SLC17A8: variants seen among roughly 807,000 people sequenced by gnomAD.
SLC17A8 encodes solute carrier family 17 member 8.
Under a neutral mutation model 58.0 loss-of-function variants are expected in SLC17A8, and 31 were observed. That is an observed-to-expected ratio of 0.53 (90% CI 0.40 to 0.72). The LOEUF is 0.72. Among genes scored for constraint, SLC17A8 ranks in the 30% least tolerant of loss-of-function variants. The pLI, the probability that SLC17A8 is intolerant of heterozygous loss-of-function variation, is 0.00. For missense variants in SLC17A8, 655 were observed against 727.8 expected (o/e 0.90, Z 1.15); for synonymous variants, 228 against 249.0 (o/e 0.92, Z 0.79).
chr12:100,361,694 G>A (rs945563236), intron 1 of SLC17A8, among the ~76,000 whole-genome samples: 11 of 152,198 alleles, frequency 7.2e-5, no homozygotes, highest in African/African-American at 2.4e-4. Flanking sequence ...GGGTGTGGTG[G>A]CTCATGCCTA....
chr12:100,382,626 G>A (rs1469740132), intron 2 of SLC17A8, among the ~76,000 whole-genome samples: 3 of 152,146 alleles, frequency 2.0e-5, no homozygotes, highest in Non-Finnish European at 4.4e-5. Context: ...CTAGTGTCTG[G>A]GAAATCACTG....
At chr12:100,370,045 A>G (rs1952548649) in intron 1 of SLC17A8, among the ~76,000 whole-genome samples, 1 of 152,210 alleles carries the variant, frequency 6.6e-6, no homozygotes, top group African/African-American at 2.4e-5. Flanking sequence ...CAAGAAATCC[A>G]AAGTTTTATA....
Position 100,401,882 on chromosome 12 carries a change from C to T in SLC17A8, c.763+19C>T. On this transcript the variant is annotated intron_variant, in intron 6 of 11. Coordinates refer to ENST00000323346, the MANE Select transcript of SLC17A8 (RefSeq NM_139319.3). ...ATTTATGGTGAGTGATTTGACTTCA[C>T]AAGTTCACATGTGACTCATAGAGAT... The T allele has an allele frequency of 1.3e-6, 2 of 1,593,634 alleles. No individual in the cohort carries two copies. The highest frequency in any genetic ancestry group is 1.7e-6 in the Non-Finnish European group (2 of 1,161,504).
intron 2 of SLC17A8, among the ~76,000 whole-genome samples, chr12:100,388,096 C>T (rs1952688964): frequency 6.6e-6 from 1 of 152,156 alleles, no homozygotes; most frequent in African/African-American, 2.4e-5. Context: ...AAGACACAAC[C>T]CTACCTTGGG....
chr12:100,388,964 C>A (rs1952694987), intron 2 of SLC17A8, among the ~76,000 whole-genome samples: 1 of 152,122 alleles, frequency 6.6e-6, no homozygotes, highest in South Asian at 2.1e-4. Context: ...ATGTGGATGT[C>A]CATTCACTGA....
chr12:100,379,321 G>A (rs1952616377), intron 1 of SLC17A8, among the ~76,000 whole-genome samples: 1 of 151,446 alleles, frequency 6.6e-6, no homozygotes, highest in South Asian at 2.1e-4. Context: ...TGTAATCCCA[G>A]CTACTCAGGA....
intron 1 of SLC17A8, among the ~76,000 whole-genome samples, chr12:100,362,038 G>T (rs1952488393): frequency 6.6e-6 from 1 of 152,116 alleles, no homozygotes. Flanking sequence ...CCAGTGGCCA[G>T]ATCCAAAGGG....
intron 5 of SLC17A8, among the ~76,000 whole-genome samples, chr12:100,400,871 A>G (rs1215750099): frequency 6.6e-6 from 1 of 152,062 alleles, no homozygotes; most frequent in Non-Finnish European, 1.5e-5. Context: ...AAACATTCAC[A>G]CACAGGTAAG....
chr12:100,393,069 G>A lies in SLC17A8; in HGVS notation c.474-300G>A, dbSNP rs1969927. On this transcript the variant is annotated intron_variant, in intron 3 of 11. Transcript: ENST00000323346. ...GAAGCCCAAGAGTCTAGCTTGGGGT[G>A]CACTAGACCCTAACACATCTATTTC... Among the ~76,000 whole-genome samples, 86,082 of 151,922 alleles carry A rather than the reference G, an allele frequency of 0.57. 24,770 individuals carry two copies. Among genetic ancestry groups the A allele is most frequent in the East Asian group, 0.7 (3,627 of 5,152 alleles).
chr12:100,367,750 G>A (rs923065069), intron 1 of SLC17A8, among the ~76,000 whole-genome samples: 14 of 151,960 alleles, frequency 9.2e-5, no homozygotes, highest in Non-Finnish European at 7.4e-5. Flanking sequence ...CGAAGGTCTC[G>A]CTATGTTGCC....
chr12:100,389,290 G>GT (rs1952696951), intron 2 of SLC17A8, among the ~76,000 whole-genome samples: 1 of 152,088 alleles, frequency 6.6e-6, no homozygotes, highest in African/African-American at 2.4e-5. Flanking sequence ...ATCCTAATCT[G>GT]TTACATGCAA....
intron 5 of SLC17A8, among the ~76,000 whole-genome samples, chr12:100,398,416 T>C (rs929922622): frequency 1.3e-5 from 2 of 152,234 alleles, no homozygotes; most frequent in Admixed American, 6.5e-5. Context: ...GGTTTATTTG[T>C]AAGACCTTTC....
chr12:100,364,766 A>G (rs1952508384), intron 1 of SLC17A8, among the ~76,000 whole-genome samples: 1 of 152,160 alleles, frequency 6.6e-6, no homozygotes, highest in South Asian at 2.1e-4. Context: ...ACCACTGCCT[A>G]TGAGTCCATG....
At chr12:100,362,359 G>A (rs1486622631) in intron 1 of SLC17A8, among the ~76,000 whole-genome samples, 1 of 152,122 alleles carries the variant, frequency 6.6e-6, no homozygotes, top group South Asian at 2.1e-4. Flanking sequence ...GACATCTCCT[G>A]ATACTGCCTG....
chr12:100,374,198 T>C (rs567739512), intron 1 of SLC17A8, among the ~76,000 whole-genome samples: 1 of 152,292 alleles, frequency 6.6e-6, no homozygotes, highest in East Asian at 1.9e-4. Flanking sequence ...GGAAATCAAA[T>C]CCAGGTTATC....
chr12:100,412,749 C>A, intron 9 of SLC17A8, 21 bp from the exon 10 acceptor site: 1 of 1,547,202 alleles, frequency 6.5e-7, no homozygotes, highest in Non-Finnish European at 8.9e-7. Context: ...CATTTTTTTC[C>A]CTTGCTGTTT....
At position 100,417,962 on chromosome 12, in the gene SLC17A8, G is replaced by T. The variant is rs894980882; in HGVS notation, c.1298-67G>T. On this transcript the variant is annotated intron_variant, in intron 10 of 11. Coordinates refer to ENST00000323346, the MANE Select transcript of SLC17A8 (RefSeq NM_139319.3). ...GATTGGTAAAGGCTGGGGCAACTGA[G>T]TATTTTCCAAAGCATATTTGAAATT... The T allele has an allele frequency of 2.9e-5, 46 of 1,605,548 alleles. No individual in the cohort carries two copies. The African/African-American group carries it at 5.2e-4, about 18-fold the overall frequency.
rs901671888 is a variant in SLC17A8, at chr12:100,409,451, G to A, written c.1187-3319G>A. On this transcript the variant is annotated intron_variant, in intron 9 of 11. Coordinates refer to ENST00000323346, the MANE Select transcript of SLC17A8 (RefSeq NM_139319.3). ...TCCGCCTGCCTCGTCCTCCCAAAGA[G>A]CTGGAATTATAGGTGTGCACCACCA... 4.6e-5 allele frequency among the ~76,000 whole-genome samples: 7 copies of A among 152,150 alleles called. No homozygotes were observed. In the East Asian group the frequency reaches 7.7e-4, roughly 17 times the overall value.
intron 1 of SLC17A8, among the ~76,000 whole-genome samples, chr12:100,360,107 A>G (rs1477556756): frequency 6.6e-6 from 1 of 152,238 alleles, no homozygotes; most frequent in African/African-American, 2.4e-5. Flanking sequence ...GTCAGGCATG[A>G]TTAGCTTTCC....
Sources: gnomAD v4.1 joint callset for allele counts (sites outside exome capture counted in the v4.1 genomes callset) on GRCh38, gnomAD v4.1.1 for gene constraint, MANE v1.5 for transcripts, NCBI Gene and HGNC (gene_info 2026-07-23, HGNC 2026-07-21) for gene names.